GPATCH2L: variants seen among roughly 807,000 people sequenced by gnomAD.
GPATCH2L encodes G-patch domain containing 2 like.
A neutral mutation model predicts 57.4 loss-of-function variants in GPATCH2L; 31 were observed. The observed-to-expected ratio is 0.54, with a 90% confidence interval of 0.41 to 0.73. GPATCH2L has a LOEUF of 0.73. Among genes scored for constraint, GPATCH2L ranks in the 30% least tolerant of loss-of-function variants. GPATCH2L has a pLI of 0.00. For missense variants in GPATCH2L, 481 were observed against 599.9 expected (o/e 0.80, Z 2.07); for synonymous variants, 199 against 210.7 (o/e 0.94, Z 0.48).
chr14:76,159,171 G>A (rs1424806794), intron 2 of GPATCH2L, among the ~76,000 whole-genome samples: 1 of 152,124 alleles, frequency 6.6e-6, no homozygotes, highest in Non-Finnish European at 1.5e-5. Flanking sequence ...TGAACTGAAG[G>A]CTTCTGAGAT....
intron 3 of GPATCH2L, 63 bp downstream of exon 3, chr14:76,166,790 A>C (rs920821133): frequency 3.6e-6 from 4 of 1,114,770 alleles, no homozygotes; most frequent in Non-Finnish European, 4.1e-6. Flanking sequence ...GAATAATCAT[A>C]GGAGTGACTC....
intron 9 of GPATCH2L, among the ~76,000 whole-genome samples, chr14:76,198,929 G>T (rs140361957): frequency 1.3e-5 from 2 of 152,254 alleles, no homozygotes; most frequent in Admixed American, 1.3e-4. Context: ...CTAATATATT[G>T]TAACCACATG....
At chr14:76,182,420 A>AT (rs1393842110) in intron 8 of GPATCH2L, among the ~76,000 whole-genome samples, 77 of 97,584 alleles carry the variant, frequency 7.9e-4, no homozygotes, top group Admixed American at 1.2e-3. Context: ...GTTTCTACAA[A>AT]ATTTTTTTTT....
chr14:76,162,169 C>T lies in GPATCH2L; in HGVS notation c.663-4494C>T, dbSNP rs150497430. On this transcript the variant is annotated intron_variant, in intron 2 of 9. Coordinates refer to ENST00000261530, the MANE Select transcript of GPATCH2L (RefSeq NM_017926.4). The stretch of plus-strand genomic sequence containing the variant: ...GTTATAGTCTAACTGTTGGCAGGGA[C>T]CTCAGTTCTCTCAAGGCTCGACTAG... 9.2e-5 allele frequency among the ~76,000 whole-genome samples: 14 copies of T among 152,258 alleles called. No individual in the cohort carries two copies. The East Asian group carries it at 2.7e-3, about 29-fold the overall frequency.
intron 2 of GPATCH2L, among the ~76,000 whole-genome samples, chr14:76,160,715 T>G (rs1190839432): frequency 1.3e-5 from 2 of 152,206 alleles, no homozygotes; most frequent in Non-Finnish European, 2.9e-5. Context: ...GAAGACTGGG[T>G]GCAGTGGCTC....
chr14:76,156,900 G>A lies in GPATCH2L; in HGVS notation c.662+1875G>A, dbSNP rs575050178. Among the ~76,000 whole-genome samples, 6 of 152,258 alleles carry A rather than the reference G, an allele frequency of 3.9e-5. No individual in the cohort carries two copies. In the East Asian group the frequency reaches 1.2e-3, roughly 29 times the overall value. On this transcript the variant is annotated intron_variant, in intron 2 of 9. Transcript: ENST00000261530. ...CCTTCTTACTCCAGACACATCTATTGCACATTCTAGTCAGGATGTAATAAT... is the reference window on the plus strand; with the variant it reads ...CCTTCTTACTCCAGACACATCTATTACACATTCTAGTCAGGATGTAATAAT...
At chr14:76,231,972 A>AACCTCACT (rs2040567210) in intron 2 of GPATCH2L, among the ~76,000 whole-genome samples, 1 of 150,972 alleles carries the variant, frequency 6.6e-6, no homozygotes, top group Admixed American at 6.6e-5. Context: ...ATCTCACTGC[A>AACCTCACT]GCCTCACTGC....
At chr14:76,196,421 A>T in intron 9 of GPATCH2L, 2 of 211,134 alleles carry the variant, frequency 9.5e-6, no homozygotes, top group Non-Finnish European at 1.9e-5. Flanking sequence ...ACAATTTTTT[A>T]GGCTAAAACT....
chr14:76,199,864 A>T (rs906446123), intron 9 of GPATCH2L, among the ~76,000 whole-genome samples: 2 of 152,220 alleles, frequency 1.3e-5, no homozygotes, highest in East Asian at 1.9e-4. Context: ...AGATTTTTGC[A>T]TACCTTTGTT....
At chr14:76,152,579 G>C (rs895702609) in intron 1 of GPATCH2L, 12 of 447,536 alleles carry the variant, frequency 2.7e-5, no homozygotes, top group Non-Finnish European at 5.0e-5. Flanking sequence ...ATCTCTGCCC[G>C]GGTGCGTGCC....
At chr14:76,173,123 C>T (rs1033864704) in intron 4 of GPATCH2L, among the ~76,000 whole-genome samples, 2 of 152,166 alleles carry the variant, frequency 1.3e-5, no homozygotes, top group African/African-American at 2.4e-5. Flanking sequence ...TTGGGTTATC[C>T]GACACGTGCT....
chr14:76,177,679 C>G (rs1315786902), intron 6 of GPATCH2L, among the ~76,000 whole-genome samples: 1 of 144,560 alleles, frequency 6.9e-6, no homozygotes, highest in Non-Finnish European at 1.5e-5. Flanking sequence ...CCATTACAAG[C>G]CTTTTTCCTT....
intron 1 of GPATCH2L, among the ~76,000 whole-genome samples, chr14:76,220,015 ATCCCTCCTTTCATAGCCT>A (rs140416995): frequency 0.022 from 3,331 of 152,306 alleles, 72 homozygotes; most frequent in South Asian, 0.077. Flanking sequence ...CGTGCATGAA[ATCCCTCCTTTCATAGCCT>A]TCCCTGGCTC....
intron 2 of GPATCH2L, among the ~76,000 whole-genome samples, chr14:76,233,003 T>A (rs1230751481): frequency 1.3e-5 from 2 of 152,184 alleles, no homozygotes; most frequent in Non-Finnish European, 2.9e-5. Context: ...AAGGCACTCT[T>A]ACCAGGCAGG....
intron 9 of GPATCH2L, among the ~76,000 whole-genome samples, chr14:76,200,108 A>T (rs2139822504): frequency 6.6e-6 from 1 of 152,330 alleles, no homozygotes; most frequent in East Asian, 1.9e-4. Context: ...TTTATAAGCT[A>T]CTAGAATAGT....
At position 76,201,890 on chromosome 14, in the gene GPATCH2L, G is replaced by A. The variant is rs2139827747; in HGVS notation, c.*39G>A. ...ACCCTCCAGGAGCTGACTGGGTGTT[G>A]CTGAAGCAAATGTTGGACTTTGTGT... On this transcript the variant is annotated 3_prime_UTR_variant, in exon 10 of 10. Coordinates refer to ENST00000261530, the MANE Select transcript of GPATCH2L (RefSeq NM_017926.4). 6.3e-7 allele frequency: 1 copy of A among 1,576,582 alleles called. No homozygotes were observed. Among genetic ancestry groups the A allele is most frequent in the East Asian group, 2.3e-5 (1 of 44,424 alleles).
intron 2 of GPATCH2L, among the ~76,000 whole-genome samples, chr14:76,155,557 TTGTC>T (rs987941904): frequency 6.6e-6 from 1 of 152,238 alleles, no homozygotes; most frequent in African/African-American, 2.4e-5. Flanking sequence ...GACATTCAAA[TTGTC>T]TGAACACATG....
chr14:76,210,836 C>G lies in GPATCH2L; in HGVS notation c.*8985C>G, dbSNP rs2040432738. The G allele has an allele frequency of 6.6e-6, 1 of 152,136 alleles. No individual in the cohort carries two copies. Among genetic ancestry groups the G allele is most frequent in the South Asian group, 2.1e-4 (1 of 4,822 alleles). The allele number at this position is 152,136 out of a possible 1,614,324, so 9.4% of individuals were successfully genotyped here. The stretch of plus-strand genomic sequence containing the variant: ...ACAGTCTTGGCTTTTAGAAATGCCC[C>G]TTCATTCATTAGATGTGTATGGAAC... On this transcript the variant is annotated 3_prime_UTR_variant, in exon 10 of 10. Coordinates refer to ENST00000261530, the MANE Select transcript of GPATCH2L (RefSeq NM_017926.4).
chr14:76,228,346 T>C (rs1218437001), intron 1 of GPATCH2L, among the ~76,000 whole-genome samples: 1 of 152,178 alleles, frequency 6.6e-6, no homozygotes, highest in Non-Finnish European at 1.5e-5. Context: ...TGTGTGTGTG[T>C]GTGCGTGCGC....
Sources: gnomAD v4.1 joint callset for allele counts (sites outside exome capture counted in the v4.1 genomes callset) on GRCh38, gnomAD v4.1.1 for gene constraint, MANE v1.5 for transcripts, NCBI Gene and HGNC (gene_info 2026-07-23, HGNC 2026-07-21) for gene names.